The following PGCKA1 variants were observed in gnomAD, a reference collection of about 807,000 sequenced individuals.
PGCKA1 encodes the protein PDCD10 and GCKIII kinases-associated protein 1.
the PGCKA1 span, among the ~76,000 whole-genome samples, chr4:37,506,903 T>C: frequency 2.6e-5 from 4 of 152,164 alleles, no homozygotes; most frequent in Non-Finnish European, 5.9e-5. Flanking sequence ...TATTATTGTA[T>C]TGGAGTCTAT....
chr4:37,518,138 A>G, the PGCKA1 span, among the ~76,000 whole-genome samples: 1 of 152,230 alleles, frequency 6.6e-6, no homozygotes, highest in East Asian at 1.9e-4. Flanking sequence ...TATATGTACC[A>G]CATTTTCATT....
the PGCKA1 span, among the ~76,000 whole-genome samples, chr4:37,529,021 A>C: frequency 6.6e-6 from 1 of 152,212 alleles, no homozygotes; most frequent in South Asian, 2.1e-4. Flanking sequence ...TTTAACTTTA[A>C]CAACTTAACA....
chr4:37,506,590 CTTT>C, the PGCKA1 span, among the ~76,000 whole-genome samples: 1 of 139,258 alleles, frequency 7.2e-6, no homozygotes. Flanking sequence ...TCCAAAATTA[CTTT>C]TTTTTTTTTT....
At chr4:37,478,251 G>T in the PGCKA1 span, among the ~76,000 whole-genome samples, 1 of 149,414 alleles carries the variant, frequency 6.7e-6, no homozygotes, top group Non-Finnish European at 1.5e-5. Flanking sequence ...CCAGGTTATG[G>T]TCTTCTTTAT....
At chr4:37,549,067 C>CT in the PGCKA1 span, among the ~76,000 whole-genome samples, 423 of 152,122 alleles carry the variant, frequency 2.8e-3, 2 homozygotes, top group African/African-American at 9.6e-3. Flanking sequence ...GCAGGTCAGA[C>CT]CCGAGGGCCA....
the PGCKA1 span, among the ~76,000 whole-genome samples, chr4:37,565,245 C>A: frequency 6.6e-6 from 1 of 152,168 alleles, no homozygotes; most frequent in Non-Finnish European, 1.5e-5. Context: ...CCTTTTCACC[C>A]ATGATATTCT....
At chr4:37,474,401 G>A in the PGCKA1 span, among the ~76,000 whole-genome samples, 1 of 152,138 alleles carries the variant, frequency 6.6e-6, no homozygotes, top group Non-Finnish European at 1.5e-5. Flanking sequence ...GTCTCAGGTT[G>A]CTATAGCAGC....
chr4:37,586,023 C>T, the PGCKA1 span, among the ~76,000 whole-genome samples: 1 of 150,990 alleles, frequency 6.6e-6, no homozygotes, highest in African/African-American at 2.4e-5. Flanking sequence ...GATACTAGAC[C>T]TCCATCTTTT....
At chr4:37,475,387 CA>C in the PGCKA1 span, among the ~76,000 whole-genome samples, 1 of 152,102 alleles carries the variant, frequency 6.6e-6, no homozygotes, top group Admixed American at 6.6e-5. Context: ...ACCCCATCAC[CA>C]TGAAGAATAA....
the PGCKA1 span, among the ~76,000 whole-genome samples, chr4:37,520,015 T>C: frequency 1.3e-5 from 2 of 152,240 alleles, no homozygotes; most frequent in South Asian, 2.1e-4. Flanking sequence ...TCAATTGACA[T>C]GATCATATGG....
At chr4:37,564,446 G>T in the PGCKA1 span, among the ~76,000 whole-genome samples, 1 of 152,036 alleles carries the variant, frequency 6.6e-6, no homozygotes, top group Non-Finnish European at 1.5e-5. Flanking sequence ...AGTACTTCTG[G>T]TAATGCAGCC....
chr4:37,573,732 C>T, the PGCKA1 span, among the ~76,000 whole-genome samples: 1 of 152,172 alleles, frequency 6.6e-6, no homozygotes, highest in Admixed American at 6.5e-5. Flanking sequence ...TTGCATACTA[C>T]TAATTTTATC....
At chr4:37,467,113 G>A in the PGCKA1 span, among the ~76,000 whole-genome samples, 63,343 of 151,976 alleles carry the variant, frequency 0.42, 14,030 homozygotes, top group Non-Finnish European at 0.49. Flanking sequence ...AAGAAGTACA[G>A]TATGTAGATA....
chr4:37,542,042 G>T, the PGCKA1 span, among the ~76,000 whole-genome samples: 1,251 of 152,146 alleles, frequency 8.2e-3, 19 homozygotes, highest in African/African-American at 0.029. Flanking sequence ...CAAAACTCAG[G>T]TCTCAATCCC....
chr4:37,502,156 G>A, the PGCKA1 span, among the ~76,000 whole-genome samples: 84 of 152,310 alleles, frequency 5.5e-4, no homozygotes, highest in Non-Finnish European at 6.8e-4. Context: ...GCCAGCCAAA[G>A]CCTTTCATAG....
chr4:37,542,554 G>C, the PGCKA1 span, among the ~76,000 whole-genome samples: 1 of 142,094 alleles, frequency 7.0e-6, no homozygotes, highest in Admixed American at 6.9e-5. Flanking sequence ...CTATCCAATA[G>C]AACTTTCTGT....
chr4:37,574,045 G>C, the PGCKA1 span, among the ~76,000 whole-genome samples: 1 of 126,832 alleles, frequency 7.9e-6, no homozygotes, highest in African/African-American at 2.9e-5. Context: ...AAAATTTGCT[G>C]GGTGTGGTGG....
At chr4:37,553,266 A>C in the PGCKA1 span, among the ~76,000 whole-genome samples, 1 of 150,782 alleles carries the variant, frequency 6.6e-6, no homozygotes, top group Non-Finnish European at 1.5e-5. Flanking sequence ...AAGATTTATC[A>C]CTTCAAAAAG....
At chr4:37,540,129 G>A in the PGCKA1 span, among the ~76,000 whole-genome samples, 4 of 152,260 alleles carry the variant, frequency 2.6e-5, no homozygotes, top group South Asian at 2.1e-4. Context: ...CATAACACAC[G>A]GTTCAGCTGC....
Sources: allele counts gnomAD v4.1 joint callset (sites outside exome capture counted in the v4.1 genomes callset), GRCh38; gene constraint gnomAD v4.1.1; transcripts MANE v1.5; gene names NCBI Gene and HGNC (gene_info 2026-07-23, HGNC 2026-07-21).